Variants in CIMAP2 observed in about 807,000 individuals in gnomAD.
CIMAP2 encodes the protein ciliary microtubule associated protein 2.
the CIMAP2 span, chr1:54,807,756 C>G: frequency 1.3e-6 from 2 of 1,521,566 alleles, no homozygotes; most frequent in Non-Finnish European, 8.8e-7. Flanking sequence ...TGCAGCTGCT[C>G]TGTGTGGCCT....
At chr1:54,821,854 T>G in the CIMAP2 span, among the ~76,000 whole-genome samples, 485 of 151,680 alleles carry the variant, frequency 3.2e-3, 22 homozygotes, top group East Asian at 0.085. Flanking sequence ...AATTTATAAC[T>G]TCCTCATTTC....
At chr1:54,815,427 C>T in the CIMAP2 span, among the ~76,000 whole-genome samples, 1 of 148,988 alleles carries the variant, frequency 6.7e-6, no homozygotes, top group Non-Finnish European at 1.5e-5. Flanking sequence ...CCATGCCATT[C>T]TCTTATTTTC....
the CIMAP2 span, among the ~76,000 whole-genome samples, chr1:54,821,426 A>G: frequency 6.6e-6 from 1 of 152,152 alleles, no homozygotes; most frequent in Non-Finnish European, 1.5e-5. Flanking sequence ...GTCTAGTTTC[A>G]TTCTTATGGA....
At chr1:54,820,465 A>G in the CIMAP2 span, among the ~76,000 whole-genome samples, 1 of 152,046 alleles carries the variant, frequency 6.6e-6, no homozygotes, top group Non-Finnish European at 1.5e-5. Context: ...GATGTGAGCC[A>G]CTACGCCTGG....
chr1:54,816,584 C>T, the CIMAP2 span, among the ~76,000 whole-genome samples: 1 of 152,170 alleles, frequency 6.6e-6, no homozygotes, highest in South Asian at 2.1e-4. Context: ...CCCTCTGAAA[C>T]CTGTTGAGAA....
At chr1:54,834,837 A>G in the CIMAP2 span, among the ~76,000 whole-genome samples, 2 of 152,214 alleles carry the variant, frequency 1.3e-5, no homozygotes, top group Non-Finnish European at 1.5e-5. Flanking sequence ...CGGTGCTCAA[A>G]AAGTTTTAGA....
At chr1:54,807,411 C>T in the CIMAP2 span, 2 of 1,312,086 alleles carry the variant, frequency 1.5e-6, no homozygotes, top group South Asian at 1.6e-5. Context: ...GTGGGAGCCA[C>T]AGGGGGATTG....
the CIMAP2 span, chr1:54,812,139 T>C: frequency 6.2e-6 from 10 of 1,614,092 alleles, no homozygotes; most frequent in Admixed American, 1.7e-4. Context: ...CTATGACACT[T>C]TCTCTGGTGA....
the CIMAP2 span, among the ~76,000 whole-genome samples, chr1:54,819,092 C>T: frequency 6.6e-6 from 1 of 152,108 alleles, no homozygotes; most frequent in East Asian, 1.9e-4. Context: ...CCTGGTCTTT[C>T]TGTTGAGACC....
the CIMAP2 span, among the ~76,000 whole-genome samples, chr1:54,824,417 A>G: frequency 2.6e-5 from 4 of 152,114 alleles, no homozygotes; most frequent in African/African-American, 9.7e-5. Context: ...AGCTTCCTGT[A>G]TCTAGGTGTC....
At chr1:54,818,265 T>A in the CIMAP2 span, among the ~76,000 whole-genome samples, 2 of 152,204 alleles carry the variant, frequency 1.3e-5, no homozygotes, top group Non-Finnish European at 2.9e-5. Context: ...TCTGAGAGAA[T>A]CTTCTGAGTT....
the CIMAP2 span, among the ~76,000 whole-genome samples, chr1:54,820,441 G>A: frequency 6.6e-6 from 1 of 152,064 alleles, no homozygotes; most frequent in Non-Finnish European, 1.5e-5. Context: ...GCCTCCCAAA[G>A]TGCTGGGATT....
chr1:54,834,461 G>T, the CIMAP2 span, among the ~76,000 whole-genome samples: 3 of 152,072 alleles, frequency 2.0e-5, no homozygotes, highest in Admixed American at 1.3e-4. Context: ...TCTTTCCCTG[G>T]TATTTTATTA....
At chr1:54,828,430 C>G in the CIMAP2 span, among the ~76,000 whole-genome samples, 1 of 152,130 alleles carries the variant, frequency 6.6e-6, no homozygotes, top group Non-Finnish European at 1.5e-5. Context: ...CTCCCAGGCT[C>G]AATAGACCAT....
chr1:54,822,444 A>G, the CIMAP2 span, among the ~76,000 whole-genome samples: 1 of 150,452 alleles, frequency 6.6e-6, no homozygotes, highest in Non-Finnish European at 1.5e-5. Context: ...CTTTCCTTCA[A>G]CTAATTTTGG....
chr1:54,812,200 A>G, the CIMAP2 span: 2 of 1,614,152 alleles, frequency 1.2e-6, no homozygotes, highest in Non-Finnish European at 1.7e-6. Context: ...GTGTGTACCC[A>G]GGGGTTGAAG....
chr1:54,816,351 T>A, the CIMAP2 span, among the ~76,000 whole-genome samples: 1 of 152,192 alleles, frequency 6.6e-6, no homozygotes, highest in African/African-American at 2.4e-5. Flanking sequence ...CGGGTTCTTG[T>A]CCTGCCTTTA....
chr1:54,837,513 T>C, the CIMAP2 span, among the ~76,000 whole-genome samples: 6 of 152,104 alleles, frequency 3.9e-5, no homozygotes, highest in Non-Finnish European at 7.4e-5. Flanking sequence ...TCCTTCCCCA[T>C]AGCCCAGCAC....
the CIMAP2 span, among the ~76,000 whole-genome samples, chr1:54,839,440 C>T: frequency 1.4e-4 from 21 of 152,042 alleles, no homozygotes; most frequent in South Asian, 4.1e-4. Flanking sequence ...TGCAATGGCG[C>T]GATCTCGGCT....
Sources: gnomAD v4.1 joint callset for allele counts (sites outside exome capture counted in the v4.1 genomes callset) on GRCh38, gnomAD v4.1.1 for gene constraint, MANE v1.5 for transcripts, NCBI Gene and HGNC (gene_info 2026-07-23, HGNC 2026-07-21) for gene names.